The following CGAS variants were observed in gnomAD, a reference collection of about 807,000 sequenced individuals.
CGAS encodes the protein 2'3'-cGAMP synthase.
CGAS carries 31 observed loss-of-function variants against 34.0 expected under a neutral mutation model. The observed-to-expected ratio is 0.91, with a 90% CI of 0.69 to 1.23. The LOEUF is 1.23. Among genes scored for constraint, CGAS ranks in the 50% most tolerant of loss-of-function variants. CGAS has a pLI of 0.00. For synonymous variants in CGAS, 266 were observed against 260.0 expected, an observed-to-expected ratio of 1.02 and a Z score of -0.22; for missense variants, 597 against 657.6, an observed-to-expected ratio of 0.91 and a Z score of 1.01.
In CGAS at chr6:73,440,346, G is replaced by T. The variant is rs1770356221; in HGVS notation, c.977C>A (p.Ser326Ter). The change falls in exon 3 of 5, where the codon TCA becomes TAA. Residue 326 changes from serine to a stop codon, truncating the protein, a stop_gained. Transcript: ENST00000370315. LOFTEE classifies it high-confidence loss of function. ...GGTGCTAGCAGGCCAGCTACTTTTT[G>T]ATTCCAAAGCCAGGGTTATATCCAC... ...ISVDITLALESKSSWPASTQE... is the reference protein window; with the variant it reads ...ISVDITLALE The T allele has an allele frequency of 6.2e-7, 1 of 1,614,040 alleles. No homozygotes were observed. Among genetic ancestry groups the T allele is most frequent in the African/African-American group, 1.3e-5 (1 of 74,924 alleles).
rs781491185 is a variant in CGAS at position 73,428,782 on chromosome 6, T to C, written c.1144A>G (p.Ile382Val). 6.2e-7 allele frequency: 1 copy of C among 1,613,768 alleles called. No individual in the cohort carries two copies. The highest frequency in any genetic ancestry group is 1.1e-5 in the South Asian group (1 of 90,948). Residue 382 changes from isoleucine (I) to valine (V), a missense_variant, in exon 4 of 5, where the codon ATC (isoleucine) becomes GTC (valine). Around this residue, in one of 3 missense-constraint regions of CGAS, gnomAD observed 271 missense variants for 324.1 expected, o/e 0.84. Coordinates refer to ENST00000370315, the MANE Select transcript of CGAS (RefSeq NM_138441.3). ...TGATTGTTCAAAATTTCCTTTTCGA[T>C]GTGAGAGAAGGATAGCCGCCATGTT... ...EETWRLSFSH[I>V]EKEILNNHGK...
At chr6:73,447,986 A>G (rs1287961414) in intron 1 of CGAS, among the ~76,000 whole-genome samples, 1 of 152,104 alleles carries the variant, frequency 6.6e-6, no homozygotes, top group Non-Finnish European at 1.5e-5. Context: ...CATCAGCTGT[A>G]TGTATTCCTT....
In CGAS at chr6:73,439,484, G is replaced by GAA. The variant is rs200300259; in HGVS notation, c.1114+723_1114+724dup. Among the ~76,000 whole-genome samples, 17 of 113,674 alleles carry GAA rather than the reference G, an allele frequency of 1.5e-4. No homozygotes were observed. In the South Asian group the frequency reaches 2.4e-3, roughly 16 times the overall value. 74.6% of individuals were successfully genotyped at this position (113,674 alleles called of 152,430 possible). A position where few individuals can be genotyped will look rare whatever the true frequency, so the allele number is the denominator to read the frequency against. On this transcript the variant is annotated intron_variant, in intron 3 of 4. Coordinates refer to ENST00000370315, the MANE Select transcript of CGAS (RefSeq NM_138441.3). ...CAACAAGAGCAAAACTCTGTCTCAGGAAAAAAAAAAAAAGAAAGAAAGAAA... is the reference window on the plus strand; with the variant it reads ...CAACAAGAGCAAAACTCTGTCTCAGGAAAAAAAAAAAAAAAGAAAGAAAGAAA...
chr6:73,431,512 T>A (rs1228920164), intron 3 of CGAS, among the ~76,000 whole-genome samples: 1 of 151,942 alleles, frequency 6.6e-6, no homozygotes. Flanking sequence ...GAAATATGGA[T>A]GAAAGCAGAA....
At chr6:73,429,608 C>CCT (rs1200787843) in intron 3 of CGAS, among the ~76,000 whole-genome samples, 56 of 152,222 alleles carry the variant, frequency 3.7e-4, no homozygotes, top group Middle Eastern at 3.4e-3. Flanking sequence ...GGGCGGATCA[C>CCT]AAGGTCGGGA....
At chr6:73,429,035 A>G (rs1770137252) in intron 3 of CGAS, among the ~76,000 whole-genome samples, 1 of 152,040 alleles carries the variant, frequency 6.6e-6, no homozygotes, top group African/African-American at 2.4e-5. Flanking sequence ...AAAATACAAA[A>G]AAAAGTTATC....
Position 73,445,719 on chromosome 6 carries a change from A to G in CGAS, c.686T>C (p.Met229Thr). Residue 229 changes from methionine to threonine, a missense_variant, in exon 2 of 5, where the codon ATG becomes ACG. Around this residue, in one of 3 missense-constraint regions of CGAS, gnomAD observed 5 missense variants for 19.2 expected, o/e 0.26. Coordinates refer to ENST00000370315, the MANE Select transcript of CGAS (RefSeq NM_138441.3). Reference protein sequence around the residue: ...KISAPNEFDVMFKLEVPRIQL... With the variant: ...KISAPNEFDVTFKLEVPRIQL... The stretch of plus-strand genomic sequence containing the variant: ...AATTCTGGGGACTTCCAGTTTAAAC[A>G]TGACATCAAATTCATTAGGTGCAGA... The G allele has an allele frequency of 6.2e-7, 1 of 1,609,906 alleles. No individual in the cohort carries two copies. The highest frequency in any genetic ancestry group is 8.5e-7 in the Non-Finnish European group (1 of 1,178,438).
Position 73,452,187 on chromosome 6 carries a change from G to A in CGAS, c.-6C>T. ...TTTCCGTGCCAAGGCTGCATGGCTGGCGCTTTCTGTTCCCCGAAAGAAGAA... is the reference window on the plus strand; with the variant it reads ...TTTCCGTGCCAAGGCTGCATGGCTGACGCTTTCTGTTCCCCGAAAGAAGAA... On this transcript the variant is annotated 5_prime_UTR_variant, in exon 1 of 5. Transcript: ENST00000370315. 1.9e-6 allele frequency: 3 copies of A among 1,591,498 alleles called. No individual in the cohort carries two copies. Among genetic ancestry groups the A allele is most frequent in the Non-Finnish European group, 2.6e-6 (3 of 1,171,542 alleles).
At chr6:73,439,600 T>C (rs989888906) in intron 3 of CGAS, 4 of 152,136 alleles carry the variant, frequency 2.6e-5, no homozygotes, top group Non-Finnish European at 1.5e-5. Flanking sequence ...GAAGTTGAAT[T>C]TTACCCAAGA....
rs1049828674 is a variant in CGAS at position 73,452,226 on chromosome 6, A to G, written c.-45T>C. 3.2e-6 allele frequency: 5 copies of G among 1,548,066 alleles called. No individual in the cohort carries two copies. The highest frequency in any genetic ancestry group is 3.5e-6 in the Non-Finnish European group (4 of 1,147,794). On this transcript the variant is annotated 5_prime_UTR_variant, in exon 1 of 5. Coordinates refer to ENST00000370315, the MANE Select transcript of CGAS (RefSeq NM_138441.3). ...CCGAAAGAAGAATCCGTTTCAGGAA[A>G]AGGCCGCAAGAGGAAGAGCCAGCAG...
intron 2 of CGAS, 90 bp downstream of exon 2, chr6:73,445,438 A>C: frequency 4.6e-6 from 4 of 866,010 alleles, no homozygotes; most frequent in East Asian, 2.6e-5. Context: ...TTCTTACTGC[A>C]GAGAGGTCAA....
chr6:73,437,341 C>T (rs184783556), intron 3 of CGAS, among the ~76,000 whole-genome samples: 4 of 152,020 alleles, frequency 2.6e-5, no homozygotes, highest in African/African-American at 4.8e-5. Flanking sequence ...ATTTATGAAA[C>T]GAATTAAATC....
chr6:73,451,633 C>G lies in CGAS; in HGVS notation c.549G>C (p.Ala183=). The G allele has an allele frequency of 2.5e-6, 4 of 1,614,182 alleles. No individual in the cohort carries two copies. The highest frequency in any genetic ancestry group is 3.4e-6 in the Non-Finnish European group (4 of 1,180,030). Residue 183 remains alanine (A), a synonymous_variant, in exon 1 of 5, where the codon GCG becomes GCC. Transcript: ENST00000370315. ...GGTCCACAACCCCTTTCACCATCCCCGCCGCCGTGGAGATATCATCGCGGC... is the reference window on the plus strand; with the variant it reads ...GGTCCACAACCCCTTTCACCATCCCGGCCGCCGTGGAGATATCATCGCGGC... ...KLSRDDISTA[A]GMVKGVVDHL... is the part of the protein sequence containing the mutation.
chr6:73,450,415 C>CA (rs538531836), intron 1 of CGAS, among the ~76,000 whole-genome samples: 2,453 of 83,956 alleles, frequency 0.029, 43 homozygotes, highest in South Asian at 0.12. Context: ...AACTCCGTCT[C>CA]AAAAAAAAAA....
At chr6:73,428,509 T>G (rs1434006128) in intron 4 of CGAS, among the ~76,000 whole-genome samples, 200 bp downstream of exon 4, 3 of 152,134 alleles carry the variant, frequency 2.0e-5, no homozygotes, top group Non-Finnish European at 4.4e-5. Context: ...TTCCCCGGCC[T>G]TGCCTTCTAA....
chr6:73,431,565 T>C (rs1377796450), intron 3 of CGAS, among the ~76,000 whole-genome samples: 1 of 152,166 alleles, frequency 6.6e-6, no homozygotes, highest in Non-Finnish European at 1.5e-5. Flanking sequence ...CAAACTCTCT[T>C]TGGGAAACTC....
intron 1 of CGAS, among the ~76,000 whole-genome samples, chr6:73,445,955 A>C (rs1342468440): frequency 6.6e-6 from 1 of 152,266 alleles, no homozygotes; most frequent in Non-Finnish European, 1.5e-5. Context: ...ACACTCAATT[A>C]ATTTTTTTTA....
intron 2 of CGAS, among the ~76,000 whole-genome samples, chr6:73,445,040 C>A (rs544167158): frequency 6.6e-6 from 1 of 152,066 alleles, no homozygotes; most frequent in East Asian, 1.9e-4. Flanking sequence ...TCCTGTGGTA[C>A]ATCAACATCA....
chr6:73,432,899 C>T (rs997561325), intron 3 of CGAS, among the ~76,000 whole-genome samples: 2 of 152,096 alleles, frequency 1.3e-5, no homozygotes, highest in Admixed American at 1.3e-4. Context: ...GCCTGGACAA[C>T]ATGGTGAAAC....
Sources: gnomAD v4.1 joint callset for allele counts (sites outside exome capture counted in the v4.1 genomes callset) on GRCh38, gnomAD v4.1.1 for gene constraint, gnomAD v4.1.1 regional missense constraint, MANE v1.5 for transcripts, NCBI Gene and HGNC (gene_info 2026-07-23, HGNC 2026-07-21) for gene names.